RAMP3: variants seen among roughly 807,000 people sequenced by gnomAD.
The protein encoded by RAMP3 is receptor activity-modifying protein 3.
A neutral mutation model predicts 13.5 loss-of-function variants in RAMP3; 14 were observed. The ratio of observed to expected loss-of-function variants is 1.04; its 90% CI spans 0.69 to 1.63. The LOEUF is 1.63. RAMP3 is among the 40% of genes most tolerant of loss of function. RAMP3 has a pLI of 0.00. For missense variants in RAMP3, 200 were observed against 204.8 expected (o/e 0.98, Z 0.14); for synonymous variants, 106 against 88.3 (o/e 1.20, Z -1.12).
intron 2 of RAMP3, among the ~76,000 whole-genome samples, chr7:45,180,852 C>T (rs1371265218): frequency 1.3e-5 from 2 of 152,214 alleles, no homozygotes; most frequent in South Asian, 4.1e-4. Flanking sequence ...GGGAGCCTGA[C>T]TGAAGGAGGA....
At chr7:45,163,351 C>T in intron 1 of RAMP3, 1 of 985,448 alleles carries the variant, frequency 1.0e-6, no homozygotes, top group Non-Finnish European at 1.2e-6. Flanking sequence ...TTTTGAGTCT[C>T]TTATTACTTT....
rs376505514 is a variant in RAMP3, at chr7:45,177,440, G to A, written c.190G>A (p.Val64Met). The change falls in exon 2 of 3, where the codon GTG becomes ATG. Residue 64 changes from valine (V) to methionine (M), a missense_variant and splice_region_variant. Coordinates refer to ENST00000242249, the MANE Select transcript of RAMP3 (RefSeq NM_005856.3). ...WKWCNLSEFI[V>M]YYESFTNCTE... is the part of the protein sequence containing the mutation. ...GTGGTGCAACCTGTCCGAGTTCATCGTGTGAGTGCCACTGCTGGGCGTGGG... is the reference window on the plus strand; with the variant it reads ...GTGGTGCAACCTGTCCGAGTTCATCATGTGAGTGCCACTGCTGGGCGTGGG... 8 of 1,614,042 alleles carry A rather than the reference G, an allele frequency of 5.0e-6. No individual in the cohort carries two copies. The South Asian group carries it at 5.5e-5, about 11-fold the overall frequency.
At position 45,177,202 on chromosome 7, in the gene RAMP3, A is replaced by G. The variant is rs536586812; in HGVS notation, c.59-107A>G. The stretch of plus-strand genomic sequence containing the variant: ...CGCTGGAACGGTCTCAGGCTTGCAA[A>G]CGGAGCCTTGCTAGTGAGTACTCAA... On this transcript the variant is annotated intron_variant, in intron 1 of 2. Transcript: ENST00000242249. The G allele has an allele frequency of 3.5e-5, 51 of 1,453,638 alleles. 1 individual carries two copies. In the African/African-American group the frequency reaches 5.9e-4, roughly 17 times the overall value. 90.0% of individuals were successfully genotyped at this position (1,453,638 alleles called of 1,614,324 possible).
At chr7:45,181,220 T>C (rs1584079002) in intron 2 of RAMP3, among the ~76,000 whole-genome samples, 1 of 151,912 alleles carries the variant, frequency 6.6e-6, no homozygotes, top group Non-Finnish European at 1.5e-5. Flanking sequence ...TGAGCTGGAG[T>C]TGGAGAGGCC....
At position 45,167,558 on chromosome 7, in the gene RAMP3, C is replaced by CT. The variant is rs373727786; in HGVS notation, c.58+9688dup. On this transcript the variant is annotated intron_variant, in intron 1 of 2. Transcript: ENST00000242249. ...GATGTGTGAGTCCTACAACTTTGTT[C>CT]TTTTTTTTTTTTTTTTATTTTTGAG... is the stretch of plus-strand genomic sequence containing the variant. 6.5e-3 allele frequency among the ~76,000 whole-genome samples: 904 copies of CT among 139,462 alleles called. 6 individuals are homozygous for CT. Among genetic ancestry groups the CT allele is most frequent in the African/African-American group, 0.014 (516 of 37,968 alleles). The allele number at this position is 139,462 out of a possible 152,430, so 91.5% of individuals were successfully genotyped here. A position where few individuals can be genotyped will look rare whatever the true frequency, so the allele number is the denominator to read the frequency against.
chr7:45,174,342 C>T (rs1344354689), intron 1 of RAMP3, among the ~76,000 whole-genome samples: 1 of 152,166 alleles, frequency 6.6e-6, no homozygotes, highest in Admixed American at 6.5e-5. Flanking sequence ...TCAGGGACCT[C>T]CTGACTCCCA....
chr7:45,175,313 A>G (rs3801410), intron 1 of RAMP3, among the ~76,000 whole-genome samples: 8,615 of 152,248 alleles, frequency 0.057, 323 homozygotes, highest in East Asian at 0.1. Context: ...TGTCCTTGCC[A>G]TCTGCTTACA....
rs1237443037 is a variant in RAMP3, at chr7:45,177,445, A to G, written c.191+4A>G. ...GCAACCTGTCCGAGTTCATCGTGTG[A>G]GTGCCACTGCTGGGCGTGGGATTTG... is the stretch of plus-strand genomic sequence containing the variant. On this transcript the variant is annotated splice_donor_region_variant and intron_variant, in intron 2 of 2. Coordinates refer to ENST00000242249, the MANE Select transcript of RAMP3 (RefSeq NM_005856.3). 1 of 1,614,020 alleles carries G rather than the reference A, an allele frequency of 6.2e-7. No homozygotes were observed. The highest frequency in any genetic ancestry group is 1.7e-5 in the Admixed American group (1 of 60,024).
intron 2 of RAMP3, among the ~76,000 whole-genome samples, chr7:45,177,860 C>T (rs1378277931): frequency 1.3e-5 from 2 of 152,240 alleles, no homozygotes; most frequent in Non-Finnish European, 2.9e-5. Flanking sequence ...CCTCCCCATG[C>T]CTGCTTTTCC....
At position 45,160,410 on chromosome 7, in the gene RAMP3, A is replaced by AT. The variant is rs1785842989; in HGVS notation, c.58+2529dup. The stretch of plus-strand genomic sequence containing the variant: ...TGATTGGCCAAGAAGAGGCCCATAG[A>AT]TTTTTGGCACTGGAGGTTCCTTGGA... On this transcript the variant is annotated intron_variant, in intron 1 of 2. Coordinates refer to ENST00000242249, the MANE Select transcript of RAMP3 (RefSeq NM_005856.3). Among the ~76,000 whole-genome samples the AT allele has an allele frequency of 2.9e-5, 4 of 136,712 alleles. No homozygotes were observed. In the South Asian group the frequency reaches 1.0e-3, roughly 36 times the overall value. 89.7% of individuals were successfully genotyped at this position (136,712 alleles called of 152,430 possible). A position where few individuals can be genotyped will look rare whatever the true frequency, so the allele number is the denominator to read the frequency against.
rs369095090 is a variant in RAMP3 at position 45,183,224 on chromosome 7, C to A, written c.259C>A (p.Pro87Thr). ...TGTCGTGGGCTGCTACTGGCCCAACCCCCTGGCCCAGGGCTTCATCACCGG... is the reference window on the plus strand; with the variant it reads ...TGTCGTGGGCTGCTACTGGCCCAACACCCTGGCCCAGGGCTTCATCACCGG... Reference protein sequence around the residue: ...ANVVGCYWPNPLAQGFITGIH... With the variant: ...ANVVGCYWPNTLAQGFITGIH... The change falls in exon 3 of 3, where the codon CCC becomes ACC. Residue 87 changes from proline to threonine, a missense_variant. Transcript: ENST00000242249. The A allele has an allele frequency of 1.2e-6, 2 of 1,613,816 alleles. No individual in the cohort carries two copies. The highest frequency in any genetic ancestry group is 1.7e-6 in the Non-Finnish European group (2 of 1,180,024).
intron 1 of RAMP3, among the ~76,000 whole-genome samples, chr7:45,158,801 T>G (rs1304682718): frequency 6.6e-6 from 1 of 152,186 alleles, no homozygotes; most frequent in Non-Finnish European, 1.5e-5. Flanking sequence ...CCAAACTCAG[T>G]GGTCATTTTC....
chr7:45,183,963 TG>T lies in RAMP3; in HGVS notation c.*554del. The T allele has an allele frequency of 2.4e-6, 1 of 414,794 alleles. No homozygotes were observed. The highest frequency in any genetic ancestry group is 1.0e-4 in the South Asian group (1 of 9,610). 25.7% of individuals were successfully genotyped at this position (414,794 alleles called of 1,614,324 possible). On this transcript the variant is annotated 3_prime_UTR_variant, in exon 3 of 3. Coordinates refer to ENST00000242249, the MANE Select transcript of RAMP3 (RefSeq NM_005856.3). ...CTGGTGGGAAGACAGCTGGAAAGGC[TG>T]GGAGGAGAAGGGAGGGGCTGGGGGT...
chr7:45,159,272 C>T (rs551947016), intron 1 of RAMP3, among the ~76,000 whole-genome samples: 359 of 152,280 alleles, frequency 2.4e-3, no homozygotes, highest in African/African-American at 8.0e-3. Context: ...TCCCAGTGTT[C>T]GACTGGCCAG....
intron 1 of RAMP3, among the ~76,000 whole-genome samples, chr7:45,171,813 T>C (rs1786089289): frequency 6.6e-6 from 1 of 152,238 alleles, no homozygotes; most frequent in Non-Finnish European, 1.5e-5. Context: ...ACTTCTGTTC[T>C]GTTCCAAATA....
intron 1 of RAMP3, among the ~76,000 whole-genome samples, chr7:45,175,474 G>C (rs1786162963): frequency 6.6e-6 from 1 of 152,200 alleles, no homozygotes; most frequent in African/African-American, 2.4e-5. Flanking sequence ...ACCACCTGCT[G>C]GGACCTGCAA....
rs1320589868 is a variant in RAMP3, at chr7:45,177,548, T to C, written c.191+107T>C. Reference sequence around the variant, plus strand: ...CGCACTCTACCCAAGGCCTCACCCATGCCTCACCCACAACCCACCGTAGGC... The same window carrying C: ...CGCACTCTACCCAAGGCCTCACCCACGCCTCACCCACAACCCACCGTAGGC... On this transcript the variant is annotated intron_variant, in intron 2 of 2. Coordinates refer to ENST00000242249, the MANE Select transcript of RAMP3 (RefSeq NM_005856.3). The C allele has an allele frequency of 3.9e-6, 6 of 1,521,508 alleles. No individual in the cohort carries two copies. The African/African-American group carries it at 6.8e-5, about 17-fold the overall frequency. The allele number at this position is 1,521,508 out of a possible 1,614,324, so 94.3% of individuals were successfully genotyped here.
chr7:45,158,646 G>T (rs551691979), intron 1 of RAMP3, among the ~76,000 whole-genome samples: 1 of 150,228 alleles, frequency 6.7e-6, no homozygotes, highest in African/African-American at 2.5e-5. Context: ...CCACTGAGTG[G>T]TGACTGAGCC....
intron 1 of RAMP3, among the ~76,000 whole-genome samples, chr7:45,164,662 C>T (rs1785923691): frequency 6.6e-6 from 1 of 152,162 alleles, no homozygotes; most frequent in African/African-American, 2.4e-5. Flanking sequence ...TTTAGGATTG[C>T]TACATCATCT....
Sources: allele counts gnomAD v4.1 joint callset (sites outside exome capture counted in the v4.1 genomes callset), GRCh38; gene constraint gnomAD v4.1.1; transcripts MANE v1.5; gene names NCBI Gene and HGNC (gene_info 2026-07-23, HGNC 2026-07-21).